ASCC3: variants seen among roughly 807,000 people sequenced by gnomAD.
The protein encoded by ASCC3 is activating signal cointegrator 1 complex subunit 3.
ASCC3 carries 158 observed loss-of-function variants against 256.3 expected under a neutral mutation model. The ratio of observed to expected loss-of-function variants is 0.62; its 90% CI spans 0.54 to 0.70. The LOEUF (loss-of-function observed/expected upper bound fraction) is 0.70, where lower values mean the gene tolerates loss of function less well. Among genes scored for constraint, ASCC3 ranks in the 30% least tolerant of loss-of-function variants. ASCC3 has a pLI of 0.00. For synonymous variants in ASCC3, 948 were observed against 883.4 expected (o/e 1.07, Z -1.30); for missense variants, 2,259 against 2,626.0 (o/e 0.86, Z 3.05).
chr6:100,849,492 A>G (rs1328849923), intron 3 of ASCC3, among the ~76,000 whole-genome samples: 1 of 152,174 alleles, frequency 6.6e-6, no homozygotes, highest in Non-Finnish European at 1.5e-5. Context: ...TATAGTTCTC[A>G]TTCAAAAACA....
intron 4 of ASCC3, among the ~76,000 whole-genome samples, chr6:100,842,588 A>G (rs1467364470): frequency 6.6e-6 from 1 of 152,216 alleles, no homozygotes; most frequent in Non-Finnish European, 1.5e-5. Flanking sequence ...GCCACTCTTC[A>G]TACTTTTTTT....
At chr6:100,772,724 G>T (rs1782002017) in intron 8 of ASCC3, among the ~76,000 whole-genome samples, 1 of 152,210 alleles carries the variant, frequency 6.6e-6, no homozygotes, top group Admixed American at 6.5e-5. Flanking sequence ...CATTTTTCAG[G>T]ATACTGGGCT....
chr6:100,833,516 C>T (rs1047819373), intron 4 of ASCC3, among the ~76,000 whole-genome samples: 3 of 152,084 alleles, frequency 2.0e-5, no homozygotes, highest in Non-Finnish European at 2.9e-5. Context: ...AACAAATGTA[C>T]TACCCTAATA....
intron 33 of ASCC3, among the ~76,000 whole-genome samples, chr6:100,603,632 G>A (rs890631800): frequency 6.6e-6 from 1 of 151,792 alleles, no homozygotes; most frequent in Admixed American, 6.6e-5. Flanking sequence ...TCATACTCCT[G>A]CTTGCTAACA....
chr6:100,669,325 C>CTATA (rs535657018), intron 14 of ASCC3, among the ~76,000 whole-genome samples: 2 of 148,928 alleles, frequency 1.3e-5, no homozygotes, highest in Middle Eastern at 5.1e-3. Flanking sequence ...CATATATACA[C>CTATA]TATATATATA....
intron 3 of ASCC3, among the ~76,000 whole-genome samples, chr6:100,849,838 G>A (rs914731306): frequency 1.3e-5 from 2 of 151,870 alleles, no homozygotes; most frequent in Non-Finnish European, 1.5e-5. Flanking sequence ...AGTTGCTCCC[G>A]CCTGTAATCC....
At chr6:100,872,993 C>G (rs913441955) in intron 1 of ASCC3, among the ~76,000 whole-genome samples, 1 of 151,924 alleles carries the variant, frequency 6.6e-6, no homozygotes, top group Admixed American at 6.6e-5. Flanking sequence ...ACACCCCCCC[C>G]AAAAAATCAC....
chr6:100,625,959 T>G (rs1774212188), intron 29 of ASCC3, among the ~76,000 whole-genome samples: 1 of 151,994 alleles, frequency 6.6e-6, no homozygotes, highest in Non-Finnish European at 1.5e-5. Flanking sequence ...AGAAGAGGGC[T>G]GAAGAGAATA....
At chr6:100,718,815 C>A (rs1260951681) in intron 11 of ASCC3, among the ~76,000 whole-genome samples, 2 of 151,898 alleles carry the variant, frequency 1.3e-5, no homozygotes, top group Non-Finnish European at 2.9e-5. Flanking sequence ...ATTTTTAGGT[C>A]ACAAAAAACT....
chr6:100,571,748 C>T (rs1180828637), intron 36 of ASCC3, among the ~76,000 whole-genome samples: 1 of 152,104 alleles, frequency 6.6e-6, no homozygotes, highest in Non-Finnish European at 1.5e-5. Context: ...GATTTCAGAA[C>T]CCAGGCTCAT....
At position 100,540,101 on chromosome 6, in the gene ASCC3, G is replaced by C. The variant is rs375941883; in HGVS notation, c.5775+62C>G. 7 of 1,466,108 alleles carry C rather than the reference G, an allele frequency of 4.8e-6. No homozygotes were observed. The African/African-American group carries it at 9.8e-5, about 20-fold the overall frequency. The allele number at this position is 1,466,108 out of a possible 1,614,324, so 90.8% of individuals were successfully genotyped here. A position where few individuals can be genotyped will look rare whatever the true frequency, so the allele number is the denominator to read the frequency against. On this transcript the variant is annotated intron_variant, in intron 37 of 41. Coordinates refer to ENST00000369162, the MANE Select transcript of ASCC3 (RefSeq NM_006828.4). The stretch of plus-strand genomic sequence containing the variant: ...GCAAGTACATTTTATCCTAAAACTA[G>C]AAAAAAGAGGGCAGGAATGATGGGA...
intron 5 of ASCC3, among the ~76,000 whole-genome samples, chr6:100,802,578 A>C (rs898915058): frequency 1.3e-5 from 2 of 152,158 alleles, no homozygotes; most frequent in African/African-American, 4.8e-5. Context: ...GATTCTAAGA[A>C]GCTATCCTAA....
At chr6:100,579,300 T>C (rs1450671090) in intron 36 of ASCC3, among the ~76,000 whole-genome samples, 1 of 152,020 alleles carries the variant, frequency 6.6e-6, no homozygotes, top group Admixed American at 6.6e-5. Context: ...GCTGTCTGTT[T>C]ACTCTACTGA....
intron 25 of ASCC3, among the ~76,000 whole-genome samples, chr6:100,634,198 AG>A (rs1471161368): frequency 2.0e-5 from 3 of 152,222 alleles, no homozygotes; most frequent in African/African-American, 7.2e-5. Context: ...TGATCAGATC[AG>A]GGTAATTAGC....
chr6:100,679,562 T>C, intron 14 of ASCC3, 56 bp downstream of exon 14: 1 of 1,608,314 alleles, frequency 6.2e-7, no homozygotes, highest in East Asian at 2.2e-5. Flanking sequence ...ACATATAAAA[T>C]ACCCGGGATA....
intron 34 of ASCC3, among the ~76,000 whole-genome samples, chr6:100,594,140 G>A (rs1772153743): frequency 6.6e-6 from 1 of 152,012 alleles, no homozygotes; most frequent in Non-Finnish European, 1.5e-5. Flanking sequence ...ATAGTAGTAT[G>A]ATTAGCTGAA....
chr6:100,509,895 A>C, intron 41 of ASCC3, 37 bp downstream of exon 41: 1 of 1,602,792 alleles, frequency 6.2e-7, no homozygotes, highest in Non-Finnish European at 8.5e-7. Flanking sequence ...CTCAAAAAAA[A>C]AAAAAAAGAG....
chr6:100,731,086 T>C (rs1271459713), intron 10 of ASCC3, among the ~76,000 whole-genome samples: 1 of 152,080 alleles, frequency 6.6e-6, no homozygotes, highest in Non-Finnish European at 1.5e-5. Flanking sequence ...AATGATACTA[T>C]TTTTAGCTAA....
intron 34 of ASCC3, among the ~76,000 whole-genome samples, chr6:100,590,332 C>T (rs948984862): frequency 1.3e-5 from 2 of 152,022 alleles, no homozygotes; most frequent in African/African-American, 4.8e-5. Flanking sequence ...AGCATTCTAA[C>T]CAAGTCTTAA....
Sources: gnomAD v4.1 joint callset for allele counts (sites outside exome capture counted in the v4.1 genomes callset) on GRCh38, gnomAD v4.1.1 for gene constraint, MANE v1.5 for transcripts, NCBI Gene and HGNC (gene_info 2026-07-23, HGNC 2026-07-21) for gene names.